Variants in LRMDA observed in about 807,000 individuals in gnomAD.
The protein encoded by LRMDA is leucine rich melanocyte differentiation associated.
LRMDA carries 18 observed loss-of-function variants against 29.8 expected under a neutral mutation model. The observed-to-expected ratio is 0.60, with a 90% CI of 0.42 to 0.90. The LOEUF (loss-of-function observed/expected upper bound fraction) is 0.90, where lower values mean the gene tolerates loss of function less well. LRMDA is among the 40% of genes least tolerant of loss of function. The probability of loss-of-function intolerance (pLI) is 0.00; values close to 1 mark genes in which losing one functional copy is unlikely to be tolerated. For missense variants in LRMDA, 273 were observed against 273.9 expected (o/e 1.00, Z 0.02); for synonymous variants, 125 against 109.4 (o/e 1.14, Z -0.89).
chr10:75,871,407 C>T lies in LRMDA; in HGVS notation c.132-164601C>T, dbSNP rs555963238. 2.6e-5 allele frequency among the ~76,000 whole-genome samples: 4 copies of T among 152,306 alleles called. No homozygotes were observed. In the East Asian group the frequency reaches 7.7e-4, roughly 29 times the overall value. On this transcript the variant is annotated intron_variant, in intron 2 of 6. Coordinates refer to ENST00000611255, the MANE Select transcript of LRMDA (RefSeq NM_001305581.2). ...TGCCTCCATCAGGGGTAACCTGCAA[C>T]TGATGGGGGACTAAAGCTGATGGAT...
At chr10:75,751,488 C>A (rs1255516262) in intron 2 of LRMDA, among the ~76,000 whole-genome samples, 3 of 152,180 alleles carry the variant, frequency 2.0e-5, no homozygotes, top group African/African-American at 7.2e-5. Flanking sequence ...AGTTATCTTA[C>A]ATCAAAATAA....
chr10:76,458,166 G>T, intron 6 of LRMDA, among the ~76,000 whole-genome samples: 1 of 63,932 alleles, frequency 1.6e-5, no homozygotes. Context: ...AAAAAAATTT[G>T]GCCTGTTTTG....
chr10:75,754,090 T>C (rs1374275883), intron 2 of LRMDA, among the ~76,000 whole-genome samples: 1 of 152,238 alleles, frequency 6.6e-6, no homozygotes. Flanking sequence ...ATATGCACAT[T>C]CCTGCTTCCA....
intron 6 of LRMDA, among the ~76,000 whole-genome samples, chr10:76,451,601 G>A (rs2132300225): frequency 6.6e-6 from 1 of 150,812 alleles, no homozygotes; most frequent in African/African-American, 2.4e-5. Flanking sequence ...GAACGGTGCT[G>A]CATGTGAAGA....
intron 2 of LRMDA, among the ~76,000 whole-genome samples, chr10:75,942,207 A>G (rs892381937): frequency 2.6e-5 from 4 of 152,014 alleles, no homozygotes; most frequent in African/African-American, 9.7e-5. Flanking sequence ...TATCATACAA[A>G]TGTGGTGATG....
chr10:75,498,491 T>C (rs983874850), intron 2 of LRMDA, among the ~76,000 whole-genome samples: 13 of 152,196 alleles, frequency 8.5e-5, no homozygotes, highest in African/African-American at 3.1e-4. Flanking sequence ...CGTGCGTGTG[T>C]GTGCATCAAG....
intron 2 of LRMDA, among the ~76,000 whole-genome samples, chr10:75,677,753 G>A (rs1459463258): frequency 6.6e-6 from 1 of 152,132 alleles, no homozygotes; most frequent in Non-Finnish European, 1.5e-5. Flanking sequence ...TTGGCTTGGA[G>A]TCTTATATTG....
intron 6 of LRMDA, among the ~76,000 whole-genome samples, chr10:76,392,702 C>G (rs1398859045): frequency 6.6e-6 from 1 of 151,918 alleles, no homozygotes; most frequent in Non-Finnish European, 1.5e-5. Flanking sequence ...TGAGAATGCT[C>G]AAAATATACT....
chr10:75,692,385 C>G (rs570357833), intron 2 of LRMDA, among the ~76,000 whole-genome samples: 1 of 147,786 alleles, frequency 6.8e-6, no homozygotes, highest in South Asian at 2.1e-4. Flanking sequence ...CCCATTGTGC[C>G]TACATATATA....
chr10:75,647,542 A>G (rs776513951), intron 2 of LRMDA: 1 of 152,376 alleles, frequency 6.6e-6, no homozygotes, highest in Non-Finnish European at 1.5e-5. Context: ...TGGGTCATGT[A>G]CATCCCACTG....
chr10:76,203,660 G>A (rs757375566), intron 5 of LRMDA, among the ~76,000 whole-genome samples: 47 of 149,932 alleles, frequency 3.1e-4, no homozygotes, highest in Middle Eastern at 3.5e-3. Context: ...CCATGTGCCC[G>A]TCCACCCATC....
In LRMDA at chr10:76,557,250, T is replaced by C. The variant is rs1045288218; in HGVS notation, c.643T>C (p.Ser215Pro). The C allele has an allele frequency of 1.2e-6, 2 of 1,614,128 alleles. No individual in the cohort carries two copies. Among genetic ancestry groups the C allele is most frequent in the Non-Finnish European group, 1.7e-6 (2 of 1,180,010 alleles). Residue 215 changes from serine to proline, a missense_variant, in exon 7 of 7, where the codon TCA becomes CCA. Ser to Pro is a moderately conservative substitution (Grantham distance 74). Transcript: ENST00000611255. ...KCRYVYYGKN[S>P]EGNRFIRDDQ... ...TCGCTACGTTTACTATGGGAAAAACTCAGAGGGCAACAGGTTTATCCGAGA... is the reference window on the plus strand; with the variant it reads ...TCGCTACGTTTACTATGGGAAAAACCCAGAGGGCAACAGGTTTATCCGAGA...
chr10:76,139,113 G>A (rs573177524), intron 5 of LRMDA, among the ~76,000 whole-genome samples: 15 of 152,206 alleles, frequency 9.9e-5, no homozygotes, highest in Admixed American at 3.9e-4. Flanking sequence ...TTCCTGAACC[G>A]TTTCAAAGAC....
chr10:76,201,528 T>G (rs1363258663), intron 5 of LRMDA, among the ~76,000 whole-genome samples: 1 of 152,260 alleles, frequency 6.6e-6, no homozygotes, highest in Non-Finnish European at 1.5e-5. Flanking sequence ...TTGTTGGGTA[T>G]GTCTGAGTCC....
At chr10:76,291,139 A>G (rs1176518940) in intron 5 of LRMDA, among the ~76,000 whole-genome samples, 1 of 152,158 alleles carries the variant, frequency 6.6e-6, no homozygotes, top group African/African-American at 2.4e-5. Flanking sequence ...TGCAAAATGA[A>G]TCTGAAGTTT....
At chr10:76,006,951 T>A (rs1207341526) in intron 2 of LRMDA, among the ~76,000 whole-genome samples, 1 of 149,824 alleles carries the variant, frequency 6.7e-6, no homozygotes, top group Non-Finnish European at 1.5e-5. Flanking sequence ...CAATGCTCCC[T>A]GGTCCTGCTA....
intron 6 of LRMDA, among the ~76,000 whole-genome samples, chr10:76,493,793 T>C (rs1842856589): frequency 6.6e-6 from 1 of 152,108 alleles, no homozygotes; most frequent in Non-Finnish European, 1.5e-5. Flanking sequence ...AGAATTTTGA[T>C]TGGGATTGTC....
At chr10:75,727,065 T>C (rs942666310) in intron 2 of LRMDA, among the ~76,000 whole-genome samples, 4 of 152,158 alleles carry the variant, frequency 2.6e-5, no homozygotes, top group African/African-American at 4.8e-5. Flanking sequence ...AATTTTGCAT[T>C]GTGTGTGGCC....
chr10:75,567,233 G>T (rs190879931), intron 2 of LRMDA, among the ~76,000 whole-genome samples: 1 of 151,920 alleles, frequency 6.6e-6, no homozygotes, highest in East Asian at 1.9e-4. Flanking sequence ...AAGTCTGATC[G>T]GTTCAGCACA....
Sources: allele counts gnomAD v4.1 joint callset (sites outside exome capture counted in the v4.1 genomes callset), GRCh38; gene constraint gnomAD v4.1.1; transcripts MANE v1.5; gene names NCBI Gene and HGNC (gene_info 2026-07-23, HGNC 2026-07-21).